Variants in USP20 observed in about 807,000 individuals in gnomAD.
The protein encoded by USP20 is ubiquitin carboxyl-terminal hydrolase 20.
A neutral mutation model predicts 124.2 loss-of-function variants in USP20; 80 were observed. The ratio of observed to expected loss-of-function variants is 0.64; its 90% CI spans 0.54 to 0.78. The LOEUF is 0.78. USP20 is among the 30% of genes least tolerant of loss of function. The probability of loss-of-function intolerance (pLI) is 0.00; values close to 1 mark genes in which losing one functional copy is unlikely to be tolerated. For missense variants in USP20, 1,043 were observed against 1,244.4 expected, an observed-to-expected ratio of 0.84 and a Z score of 2.44; for synonymous variants, 481 against 512.3, an observed-to-expected ratio of 0.94 and a Z score of 0.83.
Position 129,880,230 on chromosome 9 carries a change from T to G in USP20, c.2702T>G (p.Leu901Arg). 6.2e-7 allele frequency: 1 copy of G among 1,612,784 alleles called. No individual in the cohort carries two copies. Among genetic ancestry groups the G allele is most frequent in the Non-Finnish European group, 8.5e-7 (1 of 1,179,700 alleles). ...SVAQPLGPEN[L>R]HGEQKIEAET... ...GCGCAGCCGCTGGGCCCAGAGAACC[T>G]GCACGGGGAGCAGAAGATCGAAGCC... The change falls in exon 25 of 26, where the codon CTG becomes CGG. Residue 901 changes from leucine to arginine, a missense_variant. By Grantham distance (102) the Leu-to-Arg change is moderately radical. Coordinates refer to ENST00000372429, the MANE Select transcript of USP20 (RefSeq NM_001110303.4).
chr9:129,870,323 G>A lies in USP20; in HGVS notation c.1566-130G>A. ...CCAGGCCTCTGCCCCGACCCGCCGT[G>A]CCCGGCTGCTTCTCTGGGCCTTCAG... is the stretch of plus-strand genomic sequence containing the variant. On this transcript the variant is annotated intron_variant, in intron 14 of 25. Coordinates refer to ENST00000372429, the MANE Select transcript of USP20 (RefSeq NM_001110303.4). 14 of 943,428 alleles carry A rather than the reference G, an allele frequency of 1.5e-5. No homozygotes were observed. The South Asian group carries it at 2.0e-4, about 14-fold the overall frequency. 58.4% of individuals were successfully genotyped at this position (943,428 alleles called of 1,614,324 possible). A position where few individuals can be genotyped will look rare whatever the true frequency, so the allele number is the denominator to read the frequency against.
At chr9:129,851,284 A>C (rs1588251093) in intron 2 of USP20, among the ~76,000 whole-genome samples, 1 of 118,050 alleles carries the variant, frequency 8.5e-6, no homozygotes, top group Admixed American at 8.9e-5. Context: ...TTTTGAGATG[A>C]GGTCTTGCTC....
In USP20 at chr9:129,879,762, G is replaced by A. The variant is rs899822085; in HGVS notation, c.2584+118G>A. 2.2e-5 allele frequency: 25 copies of A among 1,150,316 alleles called. No homozygotes were observed. Among genetic ancestry groups the A allele is most frequent in the Middle Eastern group, 2.1e-4 (1 of 4,774 alleles). The allele number at this position is 1,150,316 out of a possible 1,614,324, so 71.3% of individuals were successfully genotyped here. ...ACCTGTCTTAGAGTCAGGCTGAGAC[G>A]TCCACCTGAGTCCAGACCCAGGCGG... On this transcript the variant is annotated intron_variant, in intron 24 of 25. Coordinates refer to ENST00000372429, the MANE Select transcript of USP20 (RefSeq NM_001110303.4). This position sits in a 1 kb window ranked among gnomAD's most constrained non-coding sequence, Gnocchi z 4.2.
rs1454343044 is a variant in USP20 at position 129,839,623 on chromosome 9, C to G, written c.-129+4124C>G. 1.3e-5 allele frequency among the ~76,000 whole-genome samples: 2 copies of G among 151,480 alleles called. No individual in the cohort carries two copies. Among genetic ancestry groups the G allele is most frequent in the Non-Finnish European group, 2.9e-5 (2 of 67,870 alleles). ...GGAGGGGGTGGGCACACACCCTGTG[C>G]GGGGCTGGGGGTGTGAGATGGCTAA... On this transcript the variant is annotated intron_variant, in intron 1 of 25. Coordinates refer to ENST00000372429, the MANE Select transcript of USP20 (RefSeq NM_001110303.4). This position sits in a 1 kb window ranked among gnomAD's most constrained non-coding sequence, Gnocchi z 4.5.
chr9:129,876,178 C>G lies in USP20; in HGVS notation c.2349C>G (p.Cys783Trp). 6.2e-7 allele frequency: 1 copy of G among 1,613,398 alleles called. No homozygotes were observed. Among genetic ancestry groups the G allele is most frequent in the Non-Finnish European group, 8.5e-7 (1 of 1,179,994 alleles). Reference protein sequence around the residue: ...AVNHLYVCSICQVEIEALAKR... With the variant: ...AVNHLYVCSIWQVEIEALAKR... ...ACCACCTGTACGTGTGCTCCATCTG[C>G]CAGGTGGAGATCGAGGCACTGGCCA... The change falls in exon 22 of 26, where the codon TGC becomes TGG. Residue 783 changes from cysteine (C) to tryptophan (W), a missense_variant. Transcript: ENST00000372429.
chr9:129,869,778 C>T lies in USP20; in HGVS notation c.1499C>T (p.Pro500Leu), dbSNP rs755018754. 5 of 1,613,924 alleles carry T rather than the reference C, an allele frequency of 3.1e-6. No homozygotes were observed. In the African/African-American group the frequency reaches 5.3e-5, roughly 17 times the overall value. The change falls in exon 14 of 26, where the codon CCA becomes CTA. Residue 500 changes from proline to leucine, a missense_variant. Pro to Leu is a moderately conservative substitution (Grantham distance 98). Transcript: ENST00000372429. ...SAIYQNVPAK[P>L]GACGDSYAAQ... The stretch of plus-strand genomic sequence containing the variant: ...ATCTACCAGAATGTGCCGGCCAAGC[C>T]AGGCGCCTGTGGGGACAGCTATGCC...
intron 8 of USP20, among the ~76,000 whole-genome samples, chr9:129,862,948 A>T (rs1588268748): frequency 1.0e-4 from 2 of 19,484 alleles, no homozygotes; most frequent in South Asian, 0.018. Flanking sequence ...TAAGATAGAT[A>T]AGATGAGATA....
In USP20 at chr9:129,863,208, T is replaced by C; in HGVS notation, c.520T>C (p.Leu174=). The part of the protein sequence containing the change: ...SNCPPLTQFF[L]ECGGLVRTDK... ...CAGCCCGCCGCTGACTCAGTTCTTC[T>C]TGGAGTGTGGCGGCCTGGTGCGCAC... The change falls in exon 9 of 26, where the codon TTG becomes CTG. Residue 174 remains leucine (L), a synonymous_variant. Transcript: ENST00000372429. 6.5e-7 allele frequency: 1 copy of C among 1,545,730 alleles called. No homozygotes were observed. Among genetic ancestry groups the C allele is most frequent in the Non-Finnish European group, 8.8e-7 (1 of 1,142,124 alleles).
At chr9:129,861,461 C>T (rs908117595) in intron 7 of USP20, 82 bp from the exon 8 acceptor site, 1 of 1,334,484 alleles carries the variant, frequency 7.5e-7, no homozygotes, top group Non-Finnish European at 1.1e-6. Context: ...AGAGCCACAC[C>T]TTTGTGCCAA....
intron 2 of USP20, among the ~76,000 whole-genome samples, chr9:129,850,387 T>G (rs931917075): frequency 6.6e-6 from 1 of 152,196 alleles, no homozygotes; most frequent in Admixed American, 6.6e-5. Flanking sequence ...AGAAGGAGCC[T>G]CTGTTCCTTA....
intron 22 of USP20, 134 bp downstream of exon 22, chr9:129,876,372 C>T: frequency 1.4e-6 from 1 of 703,160 alleles, no homozygotes; most frequent in Non-Finnish European, 2.4e-6. Context: ...GGCATGGTGG[C>T]TCACACCTGT....
chr9:129,863,949 T>TA (rs1291493127), intron 9 of USP20, among the ~76,000 whole-genome samples: 35 of 151,324 alleles, frequency 2.3e-4, no homozygotes, highest in African/African-American at 7.0e-4. Context: ...CTAATAAAAA[T>TA]ACAAAAATTA....
intron 22 of USP20, among the ~76,000 whole-genome samples, chr9:129,876,638 C>CA (rs5900872): frequency 3.2e-5 from 4 of 126,726 alleles, no homozygotes; most frequent in African/African-American, 5.9e-5. Flanking sequence ...GACTCCATCT[C>CA]AAAAAAAAAA....
chr9:129,858,927 G>T (rs948848681), intron 6 of USP20, among the ~76,000 whole-genome samples: 1 of 152,274 alleles, frequency 6.6e-6, no homozygotes, highest in African/African-American at 2.4e-5. Context: ...ACCCTTCCAG[G>T]CCTTATGGAG....
intron 3 of USP20, among the ~76,000 whole-genome samples, chr9:129,855,839 G>T (rs2033185941): frequency 6.6e-6 from 1 of 152,140 alleles, no homozygotes; most frequent in African/African-American, 2.4e-5. Flanking sequence ...CCTGGGGTTT[G>T]CCAGGTCTAG....
intron 1 of USP20, among the ~76,000 whole-genome samples, chr9:129,840,474 T>C (rs2032137693): frequency 6.6e-6 from 1 of 152,142 alleles, no homozygotes; most frequent in Non-Finnish European, 1.5e-5. Context: ...CGCTCCCTGC[T>C]CCCACCTCAA....
intron 10 of USP20, among the ~76,000 whole-genome samples, chr9:129,865,771 C>T (rs71499494): frequency 0.047 from 7,154 of 152,124 alleles, 217 homozygotes; most frequent in Middle Eastern, 0.12. Context: ...CTCAAGCAGT[C>T]GTCCCACCTC....
intron 5 of USP20, 108 bp downstream of exon 5, chr9:129,858,220 G>A: frequency 7.8e-7 from 1 of 1,288,450 alleles, no homozygotes; most frequent in Non-Finnish European, 1.1e-6. Context: ...AATAAATGGT[G>A]TCATCCTAGC....
rs761872613 is a variant in USP20 at position 129,880,302 on chromosome 9, G to A, written c.*16+13G>A. 24 of 1,553,990 alleles carry A rather than the reference G, an allele frequency of 1.5e-5. No homozygotes were observed. The highest frequency in any genetic ancestry group is 2.4e-5 in the East Asian group (1 of 42,116). ...GCTGGGCTAGTCTGTAAGTCGCCCC[G>A]GCTGGTCCCTCCATGGCACTCTGGG... On this transcript the variant is annotated intron_variant, in intron 25 of 25. Transcript: ENST00000372429.
Sources: gnomAD v4.1 joint callset for allele counts (sites outside exome capture counted in the v4.1 genomes callset) on GRCh38, gnomAD v4.1.1 for gene constraint, Gnocchi (gnomAD v3.1) non-coding constraint, MANE v1.5 for transcripts, NCBI Gene and HGNC (gene_info 2026-07-23, HGNC 2026-07-21) for gene names.